TMEM132A: variants seen among roughly 807,000 people sequenced by gnomAD.
TMEM132A encodes the protein transmembrane protein 132A, also known as GRP78-binding protein.
In TMEM132A, 48 loss-of-function variants were observed where a neutral mutation model predicts 69.9. The ratio of observed to expected loss-of-function variants is 0.69; its 90% confidence interval spans 0.55 to 0.87. The LOEUF (loss-of-function observed/expected upper bound fraction) is 0.87, where lower values mean the gene tolerates loss of function less well. TMEM132A is among the 40% of genes least tolerant of loss of function. TMEM132A has a pLI of 0.00. For synonymous variants in TMEM132A, 577 were observed against 613.7 expected (o/e 0.94, Z 0.88); for missense variants, 1,287 against 1,407.2 (o/e 0.91, Z 1.37).
chr11:60,932,769 G>A (rs1447126898), intron 7 of TMEM132A: 1 of 152,224 alleles, frequency 6.6e-6, no homozygotes, highest in East Asian at 1.9e-4. Context: ...GCCACCTGAA[G>A]GGGGAAGGTG....
At chr11:60,927,596 C>T (rs751022386) in intron 2 of TMEM132A, 45 bp from the exon 3 acceptor site, 1 of 1,548,110 alleles carries the variant, frequency 6.5e-7, no homozygotes, top group Non-Finnish European at 8.8e-7. Context: ...TAGATCTTCC[C>T]CTCCCAAGCT....
At chr11:60,927,529 AG>A in intron 2 of TMEM132A, 111 bp downstream of exon 2, 4 of 1,411,914 alleles carry the variant, frequency 2.8e-6, no homozygotes, top group Non-Finnish European at 3.9e-6. Flanking sequence ...CATATTCCAG[AG>A]GGGGAAACTG....
At chr11:60,927,136 C>A in intron 1 of TMEM132A, 68 bp from the exon 2 acceptor site, 1 of 1,359,574 alleles carries the variant, frequency 7.4e-7, no homozygotes, top group South Asian at 1.2e-5. Flanking sequence ...TGTGCCCCAG[C>A]ATGGCACCCG....
At chr11:60,929,888 A>G (rs1251163359) in intron 4 of TMEM132A, among the ~76,000 whole-genome samples, 2 of 64,356 alleles carry the variant, frequency 3.1e-5, no homozygotes, top group Non-Finnish European at 6.7e-5. Context: ...GCCAGTCCCT[A>G]TCTGGCAGAA....
At chr11:60,934,342 G>A in intron 8 of TMEM132A, 146 bp from the exon 9 acceptor site, 1 of 735,218 alleles carries the variant, frequency 1.4e-6, no homozygotes, top group Non-Finnish European at 1.9e-6. Flanking sequence ...CTGACCCCAA[G>A]AGGGGCGGAT....
In TMEM132A at chr11:60,924,639, C is replaced by A; in HGVS notation, c.6C>A (p.Cys2Ter). The change falls in exon 1 of 11, where the codon TGC becomes TGA. Residue 2 changes from cysteine (C) to a stop codon, truncating the protein, a stop_gained. Coordinates refer to ENST00000453848, the MANE Select transcript of TMEM132A (RefSeq NM_178031.3). LOFTEE classifies it high-confidence loss of function. The stretch of plus-strand genomic sequence containing the variant: ...CCCCGCCTTCTGTGGGAAGGATGTG[C>A]GCGCGGATGGCCGGTCGCACAACAG... M[C>*]ARMAGRTTAA... is the part of the protein sequence containing the mutation. The A allele has an allele frequency of 1.3e-6, 2 of 1,592,542 alleles. No homozygotes were observed. The highest frequency in any genetic ancestry group is 1.7e-6 in the Non-Finnish European group (2 of 1,175,526).
chr11:60,927,610 CTT>C (rs1856374385), intron 2 of TMEM132A, 29 bp from the exon 3 acceptor site: 1 of 1,582,870 alleles, frequency 6.3e-7, no homozygotes, highest in Admixed American at 1.7e-5. Flanking sequence ...CCAAGCTCCT[CTT>C]TTGTTAAGCC....
At chr11:60,928,521 C>T (rs1856399676) in intron 3 of TMEM132A, 108 bp from the exon 4 acceptor site, 2 of 1,072,868 alleles carry the variant, frequency 1.9e-6, no homozygotes, top group African/African-American at 3.2e-5. Context: ...GCTGGGCCTC[C>T]CTTTCATGAG....
In TMEM132A at chr11:60,934,608, C is replaced by G; in HGVS notation, c.1680C>G (p.Asp560Glu). ...FLAPFAAHPL[D>E]GGRRLTHLLG... ...CCCCCTTCGCGGCCCACCCGCTGGACGGCGGCCGCCGCCTCACGCACCTGC... is the reference window on the plus strand; with the variant it reads ...CCCCCTTCGCGGCCCACCCGCTGGAGGGCGGCCGCCGCCTCACGCACCTGC... The change falls in exon 9 of 11, where the codon GAC becomes GAG. Residue 560 changes from aspartate (D) to glutamate (E), a missense_variant. Physicochemically the swap from Asp to Glu is conservative, Grantham distance 45. Transcript: ENST00000453848. 6.3e-7 allele frequency: 1 copy of G among 1,577,658 alleles called. No individual in the cohort carries two copies.
chr11:60,932,490 G>A (rs1028628254), intron 7 of TMEM132A: 4 of 196,970 alleles, frequency 2.0e-5, no homozygotes, highest in East Asian at 1.2e-4. Flanking sequence ...TCTGAGCCTC[G>A]TTACCTAAAC....
intron 4 of TMEM132A, 67 bp downstream of exon 4, chr11:60,929,027 T>C (rs1402257897): frequency 1.3e-6 from 2 of 1,520,360 alleles, no homozygotes; most frequent in African/African-American, 1.4e-5. Flanking sequence ...GACAGGTACC[T>C]GCTCCTCCTG....
chr11:60,931,910 G>A (rs1372725465), intron 6 of TMEM132A, 26 bp downstream of exon 6: 3 of 1,614,188 alleles, frequency 1.9e-6, no homozygotes, highest in Admixed American at 1.7e-5. Flanking sequence ...TCTCTGCCTG[G>A]GAAGGCTGGA....
At chr11:60,932,616 A>G (rs1428593374) in intron 7 of TMEM132A, 1 of 152,618 alleles carries the variant, frequency 6.6e-6, no homozygotes, top group Non-Finnish European at 1.5e-5. Flanking sequence ...AATATGATGT[A>G]ATAATTATAC....
At chr11:60,927,108 T>C (rs1172168745) in intron 1 of TMEM132A, 96 bp from the exon 2 acceptor site, 1 of 982,908 alleles carries the variant, frequency 1.0e-6, no homozygotes, top group African/African-American at 1.6e-5. Context: ...CTTTTCTCCC[T>C]CCCTTGCCCA....
intron 1 of TMEM132A, among the ~76,000 whole-genome samples, chr11:60,925,049 G>A (rs1471349413): frequency 6.6e-6 from 1 of 152,134 alleles, no homozygotes; most frequent in East Asian, 1.9e-4. Context: ...CCCGGTCCCG[G>A]GCGCACTAGC....
chr11:60,926,360 T>C (rs1397112985), intron 1 of TMEM132A, among the ~76,000 whole-genome samples: 2 of 152,242 alleles, frequency 1.3e-5, no homozygotes, highest in African/African-American at 2.4e-5. Context: ...CCTCATTTTC[T>C]ACATCCACAA....
intron 4 of TMEM132A, 70 bp downstream of exon 4, chr11:60,929,030 T>A (rs1856418455): frequency 2.0e-6 from 3 of 1,500,096 alleles, no homozygotes; most frequent in East Asian, 2.3e-5. Context: ...AGGTACCTGC[T>A]CCTCCTGGGG....
intron 5 of TMEM132A, 117 bp from the exon 6 acceptor site, chr11:60,931,572 C>T: frequency 9.6e-7 from 1 of 1,045,868 alleles, no homozygotes. Context: ...AGCTATGTAA[C>T]CTCTGTGCCT....
rs758277226 is a variant in TMEM132A at position 60,936,219 on chromosome 11, G to A, written c.2384G>A (p.Arg795Gln). The A allele has an allele frequency of 1.2e-5, 20 of 1,613,960 alleles. No homozygotes were observed. The highest frequency in any genetic ancestry group is 5.3e-5 in the African/African-American group (4 of 74,930). The change falls in exon 11 of 11, where the codon CGG becomes CAG. Residue 795 changes from arginine (R) to glutamine (Q), a missense_variant. Physicochemically the swap from Arg to Gln is conservative, Grantham distance 43 (BLOSUM62 1). Coordinates refer to ENST00000453848, the MANE Select transcript of TMEM132A (RefSeq NM_178031.3). Reference sequence around the variant, plus strand: ...ACAGAAGCCACCATGGGTGGTAAACGGCAGGTGGCAGGCAGTGTCGGGGGC... The same window carrying A: ...ACAGAAGCCACCATGGGTGGTAAACAGCAGGTGGCAGGCAGTGTCGGGGGC... Reference protein sequence around the residue: ...PATEATMGGKRQVAGSVGGNT... With the variant: ...PATEATMGGKQQVAGSVGGNT...
Sources: gnomAD v4.1 joint callset for allele counts (sites outside exome capture counted in the v4.1 genomes callset) on GRCh38, gnomAD v4.1.1 for gene constraint, MANE v1.5 for transcripts, NCBI Gene and HGNC (gene_info 2026-07-23, HGNC 2026-07-21) for gene names.